FANCA: variants seen among roughly 807,000 people sequenced by gnomAD.
The protein encoded by FANCA is Fanconi anemia group A protein.
Under a neutral mutation model 194.3 loss-of-function variants are expected in FANCA, and 236 were observed. The observed-to-expected ratio is 1.21, with a 90% CI of 1.09 to 1.35. The LOEUF (loss-of-function observed/expected upper bound fraction) is 1.35. Among genes scored for constraint, FANCA ranks in the 40% most tolerant of loss-of-function variants. FANCA has a pLI of 0.00. For missense variants in FANCA, 2,628 were observed against 1,813.9 expected (o/e 1.45, Z -8.15); for synonymous variants, 1,014 against 715.8 (o/e 1.42, Z -6.65).
chr16:89,812,937 G>A (rs929586165), intron 3 of FANCA, among the ~76,000 whole-genome samples: 1 of 151,348 alleles, frequency 6.6e-6, no homozygotes, highest in African/African-American at 2.4e-5. Flanking sequence ...GGAGGCTGAG[G>A]CAGGAGAATT....
At chr16:89,797,536 T>C (rs887760443) in intron 10 of FANCA, among the ~76,000 whole-genome samples, 3 of 152,004 alleles carry the variant, frequency 2.0e-5, no homozygotes, top group Non-Finnish European at 2.9e-5. Context: ...CAGCCCCCAG[T>C]GTGCAAGGGA....
Position 89,746,693 on chromosome 16 carries a change from A to C in FANCA, c.3409-5T>G, listed in dbSNP as rs2038402047. On this transcript the variant is annotated splice_region_variant and splice_polypyrimidine_tract_variant and intron_variant, in intron 34 of 42. Coordinates refer to ENST00000389301, the MANE Select transcript of FANCA (RefSeq NM_000135.4). Reference sequence around the variant, plus strand: ...CAGACAGGCGTTCAGGAGGCCCTGCAGGAGAGAACGCAGCAGGAGGTCAGC... The same window carrying C: ...CAGACAGGCGTTCAGGAGGCCCTGCCGGAGAGAACGCAGCAGGAGGTCAGC... 1.2e-6 allele frequency: 2 copies of C among 1,613,582 alleles called. No individual in the cohort carries two copies. The highest frequency in any genetic ancestry group is 1.7e-6 in the Non-Finnish European group (2 of 1,179,506).
rs2038523413 is a variant in FANCA, at chr16:89,749,921, C to T, written c.3067-19G>A. ...CCATCTCCTGAAAAAGAGCAGTATGCTGGCACAGGAAGGCCTCGGGGCTCA... is the reference window on the plus strand; with the variant it reads ...CCATCTCCTGAAAAAGAGCAGTATGTTGGCACAGGAAGGCCTCGGGGCTCA... On this transcript the variant is annotated intron_variant, in intron 31 of 42. Coordinates refer to ENST00000389301, the MANE Select transcript of FANCA (RefSeq NM_000135.4). 1 of 1,613,596 alleles carries T rather than the reference C, an allele frequency of 6.2e-7. No individual in the cohort carries two copies. Among genetic ancestry groups the T allele is most frequent in the Non-Finnish European group, 8.5e-7 (1 of 1,179,984 alleles).
intron 27 of FANCA, among the ~76,000 whole-genome samples, chr16:89,766,836 A>G (rs2039145736): frequency 6.6e-6 from 1 of 152,196 alleles, no homozygotes; most frequent in South Asian, 2.1e-4. Flanking sequence ...TAATTCATCT[A>G]TCCTATAAAT....
chr16:89,805,245 T>A (rs1433075914), intron 7 of FANCA, 35 bp downstream of exon 7: 4 of 1,540,682 alleles, frequency 2.6e-6, no homozygotes, highest in Non-Finnish European at 2.7e-6. Flanking sequence ...CAAAATGAGT[T>A]TTACCCAAGA....
chr16:89,805,159 C>G, intron 7 of FANCA, 121 bp downstream of exon 7: 1 of 764,968 alleles, frequency 1.3e-6, no homozygotes, highest in East Asian at 2.7e-5. Context: ...TCTGTCATGC[C>G]AGGTTCCCAC....
intron 28 of FANCA, among the ~76,000 whole-genome samples, chr16:89,764,418 G>C (rs2039055106): frequency 1.3e-5 from 2 of 152,104 alleles, no homozygotes; most frequent in Non-Finnish European, 2.9e-5. Context: ...GATTTCTCTT[G>C]CCTCAGCCTC....
intron 30 of FANCA, among the ~76,000 whole-genome samples, chr16:89,754,040 C>T (rs987500995): frequency 6.6e-6 from 1 of 151,942 alleles, no homozygotes; most frequent in African/African-American, 2.4e-5. Context: ...GGACACACAG[C>T]GACACTCTGT....
At chr16:89,776,040 G>GA (rs2039490088) in intron 20 of FANCA, among the ~76,000 whole-genome samples, 1 of 151,178 alleles carries the variant, frequency 6.6e-6, no homozygotes, top group South Asian at 2.1e-4. Flanking sequence ...AATATCTAAG[G>GA]AGCTAGACCA....
chr16:89,780,634 A>C (rs1266255476), intron 17 of FANCA, among the ~76,000 whole-genome samples: 1 of 152,024 alleles, frequency 6.6e-6, no homozygotes, highest in African/African-American at 2.4e-5. Flanking sequence ...AAAAAAAAAA[A>C]AAAACATTCT....
At chr16:89,814,425 A>C (rs2041021151) in intron 3 of FANCA, 95 bp downstream of exon 3, 1 of 978,678 alleles carries the variant, frequency 1.0e-6, no homozygotes, top group African/African-American at 1.6e-5. Context: ...CCATCGCCTG[A>C]GAAAATTTAC....
chr16:89,803,004 AAC>A, intron 8 of FANCA, among the ~76,000 whole-genome samples: 1 of 152,310 alleles, frequency 6.6e-6, no homozygotes, highest in Admixed American at 6.5e-5. Context: ...TATAGTTAAC[AAC>A]AGATTGTATA....
At chr16:89,755,252 C>T (rs938457889) in intron 30 of FANCA, among the ~76,000 whole-genome samples, 1 of 151,960 alleles carries the variant, frequency 6.6e-6, no homozygotes, top group Non-Finnish European at 1.5e-5. Flanking sequence ...ACTCTGTCGC[C>T]CAGGCTGGAG....
At chr16:89,808,414 C>G (rs756567104) in intron 5 of FANCA, 47 bp from the exon 6 acceptor site, 45 of 1,582,952 alleles carry the variant, frequency 2.8e-5, no homozygotes, top group Non-Finnish European at 3.6e-5. Flanking sequence ...AAAAAACCCC[C>G]AGCATTCTGA....
At chr16:89,770,669 T>C (rs55726703) in intron 23 of FANCA, 35 bp from the exon 24 acceptor site, 1 of 1,562,116 alleles carries the variant, frequency 6.4e-7, no homozygotes, top group Non-Finnish European at 8.7e-7. Flanking sequence ...CGTGGTGTCC[T>C]GGGGACGGGA....
At chr16:89,783,566 C>A (rs1004401295) in intron 15 of FANCA, among the ~76,000 whole-genome samples, 3 of 144,340 alleles carry the variant, frequency 2.1e-5, no homozygotes, top group South Asian at 2.2e-4. Context: ...AAAAAAACAA[C>A]AAAAAAAAAA....
chr16:89,768,832 G>C (rs2039218538), intron 26 of FANCA, among the ~76,000 whole-genome samples: 1 of 152,168 alleles, frequency 6.6e-6, no homozygotes, highest in South Asian at 2.1e-4. Flanking sequence ...GGATGGCCCT[G>C]TCTCCCCCAA....
At chr16:89,777,868 G>C (rs2016571) in intron 20 of FANCA, among the ~76,000 whole-genome samples, 66,901 of 151,248 alleles carry the variant, frequency 0.44, 16,752 homozygotes, top group East Asian at 0.75. Flanking sequence ...TTCTTTCACT[G>C]AAGAATGATG....
chr16:89,756,035 C>G (rs2038757504), intron 30 of FANCA, among the ~76,000 whole-genome samples: 1 of 152,098 alleles, frequency 6.6e-6, no homozygotes, highest in Non-Finnish European at 1.5e-5. Flanking sequence ...TGTAACACAA[C>G]AGTATTTGTG....
Sources: gnomAD v4.1 joint callset for allele counts (sites outside exome capture counted in the v4.1 genomes callset) on GRCh38, gnomAD v4.1.1 for gene constraint, MANE v1.5 for transcripts, NCBI Gene and HGNC (gene_info 2026-07-23, HGNC 2026-07-21) for gene names.